PALM2AKAP2: variants seen among roughly 807,000 people sequenced by gnomAD.
PALM2AKAP2 encodes PALM2-AKAP2 fusion protein.
PALM2AKAP2 carries 37 observed loss-of-function variants against 71.5 expected under a neutral mutation model. That is an observed-to-expected ratio of 0.52 (90% CI 0.40 to 0.68). The LOEUF (loss-of-function observed/expected upper bound fraction) is 0.68. PALM2AKAP2 is among the 30% of genes least tolerant of loss of function. PALM2AKAP2 has a pLI of 0.00. For synonymous variants in PALM2AKAP2, 468 were observed against 478.8 expected (o/e 0.98, Z 0.29); for missense variants, 1,224 against 1,191.8 (o/e 1.03, Z -0.40).
chr9:110,091,422 GTC>G (rs1834703857), intron 1 of PALM2AKAP2, among the ~76,000 whole-genome samples: 2 of 125,472 alleles, frequency 1.6e-5, no homozygotes, highest in African/African-American at 6.2e-5. Flanking sequence ...GTGTGTGTGT[GTC>G]TGTGTGATGG....
In PALM2AKAP2 at chr9:110,100,263, C is replaced by T. The variant is rs747127528; in HGVS notation, c.157-35864C>T. Reference sequence around the variant, plus strand: ...GAAAAGGTGAAGGCTGCCTTGCTGCCGTCCTGGAAGATTGAGACAGTGGTA... The same window carrying T: ...GAAAAGGTGAAGGCTGCCTTGCTGCTGTCCTGGAAGATTGAGACAGTGGTA... On this transcript the variant is annotated intron_variant, in intron 1 of 3. Transcript: ENST00000374525. Among the ~76,000 whole-genome samples, 5 of 151,948 alleles carry T rather than the reference C, an allele frequency of 3.3e-5. No homozygotes were observed. In the South Asian group the frequency reaches 6.3e-4, roughly 19 times the overall value.
intron 1 of PALM2AKAP2, among the ~76,000 whole-genome samples, chr9:110,112,193 C>T (rs930450055): frequency 6.6e-6 from 1 of 151,480 alleles, no homozygotes; most frequent in South Asian, 2.1e-4. Flanking sequence ...GATTACCATC[C>T]GAGATACAGC....
chr9:110,023,208 G>A (rs1299487415), intron 7 of PALM2AKAP2, among the ~76,000 whole-genome samples: 2 of 149,662 alleles, frequency 1.3e-5, no homozygotes, highest in Admixed American at 6.7e-5. Flanking sequence ...GTGTAAAAGT[G>A]TTCCTATTTC....
chr9:109,789,706 A>AT (rs1437118715), intron 1 of PALM2AKAP2, among the ~76,000 whole-genome samples: 1 of 152,224 alleles, frequency 6.6e-6, no homozygotes, highest in Non-Finnish European at 1.5e-5. Context: ...AAGGTTGCTC[A>AT]TAAGTGCTCT....
At chr9:110,088,002 C>G (rs1365727605) in intron 1 of PALM2AKAP2, among the ~76,000 whole-genome samples, 1 of 152,114 alleles carries the variant, frequency 6.6e-6, no homozygotes, top group Non-Finnish European at 1.5e-5. Context: ...AAGAGCTGTT[C>G]AAATTGTTAT....
chr9:109,838,886 A>G (rs1409707564), intron 1 of PALM2AKAP2, among the ~76,000 whole-genome samples: 2 of 152,208 alleles, frequency 1.3e-5, no homozygotes, highest in Non-Finnish European at 2.9e-5. Flanking sequence ...AATTAAGGCA[A>G]TAATTAATAG....
At chr9:110,128,921 C>T (rs1835675410) in intron 1 of PALM2AKAP2, among the ~76,000 whole-genome samples, 1 of 152,262 alleles carries the variant, frequency 6.6e-6, no homozygotes, top group African/African-American at 2.4e-5. Flanking sequence ...CCCAGTGGGG[C>T]AGGGATCAGG....
At chr9:109,911,982 G>A (rs955706469) in intron 3 of PALM2AKAP2, among the ~76,000 whole-genome samples, 1 of 152,168 alleles carries the variant, frequency 6.6e-6, no homozygotes, top group Admixed American at 6.5e-5. Context: ...GGGGCTGGGG[G>A]AATTATGGAA....
chr9:109,849,183 A>G (rs1382972137), intron 1 of PALM2AKAP2, among the ~76,000 whole-genome samples: 1 of 152,146 alleles, frequency 6.6e-6, no homozygotes, highest in Non-Finnish European at 1.5e-5. Context: ...CCCAGTATCT[A>G]GTGATTACCT....
chr9:110,039,314 AG>A lies in PALM2AKAP2; in HGVS notation c.582+23276del, dbSNP rs556370244. ...ATCTATCCTCTTAAAGTGTTCATTT[AG>A]TACAGTATTATTAACTGTGAGCACA... On this transcript the variant is annotated intron_variant, in intron 7 of 9. Transcript: ENST00000302798. Among the ~76,000 whole-genome samples the A allele has an allele frequency of 4.6e-5, 7 of 152,374 alleles. No individual in the cohort carries two copies. In the East Asian group the frequency reaches 9.6e-4, roughly 21 times the overall value.
intron 6 of PALM2AKAP2, among the ~76,000 whole-genome samples, chr9:109,986,144 C>G (rs1442412409): frequency 6.6e-6 from 1 of 152,150 alleles, no homozygotes; most frequent in Non-Finnish European, 1.5e-5. Flanking sequence ...CTAATAAAGC[C>G]TTGGTATAGT....
chr9:109,832,608 C>A (rs1339613945), intron 1 of PALM2AKAP2, among the ~76,000 whole-genome samples: 4 of 152,212 alleles, frequency 2.6e-5, no homozygotes, highest in Non-Finnish European at 5.9e-5. Flanking sequence ...AATCTAATTT[C>A]TAATTTCATT....
intron 1 of PALM2AKAP2, among the ~76,000 whole-genome samples, chr9:109,713,251 A>G (rs1002094990): frequency 3.3e-5 from 5 of 152,072 alleles, no homozygotes; most frequent in African/African-American, 1.2e-4. Flanking sequence ...CAGCAAGTCT[A>G]TTTTCCTTTG....
intron 1 of PALM2AKAP2, among the ~76,000 whole-genome samples, chr9:109,789,341 G>T (rs1564149193): frequency 1.3e-5 from 2 of 152,324 alleles, no homozygotes; most frequent in East Asian, 1.9e-4. Flanking sequence ...CGATGTGATT[G>T]CTTCTCACGT....
intron 1 of PALM2AKAP2, among the ~76,000 whole-genome samples, chr9:109,665,852 C>T (rs1171896782): frequency 1.3e-5 from 2 of 152,236 alleles, no homozygotes; most frequent in East Asian, 1.9e-4. Context: ...CCACCCAGTT[C>T]GAGCTTCCCT....
intron 7 of PALM2AKAP2, 43 bp downstream of exon 7, chr9:110,016,082 G>C: frequency 6.3e-7 from 1 of 1,589,990 alleles, no homozygotes; most frequent in Non-Finnish European, 8.6e-7. Flanking sequence ...TGTATCTCTA[G>C]AGTAAAGGCA....
chr9:109,821,002 T>C, intron 1 of PALM2AKAP2, among the ~76,000 whole-genome samples: 1 of 152,226 alleles, frequency 6.6e-6, no homozygotes, highest in East Asian at 1.9e-4. Context: ...CTTCTAGATA[T>C]AACACAGCAT....
intron 1 of PALM2AKAP2, among the ~76,000 whole-genome samples, chr9:110,086,577 C>T (rs900752913): frequency 7.9e-5 from 12 of 152,212 alleles, no homozygotes; most frequent in African/African-American, 2.9e-4. Flanking sequence ...GCATTGGGCT[C>T]ATGACCCCAT....
At chr9:109,851,902 G>A (rs1170700883) in intron 1 of PALM2AKAP2, among the ~76,000 whole-genome samples, 4 of 152,058 alleles carry the variant, frequency 2.6e-5, no homozygotes, top group Admixed American at 2.0e-4. Flanking sequence ...AAGCTGTGTG[G>A]TCTTTGTTCA....
Sources: gnomAD v4.1 joint callset for allele counts (sites outside exome capture counted in the v4.1 genomes callset) on GRCh38, gnomAD v4.1.1 for gene constraint, MANE v1.5 for transcripts, NCBI Gene and HGNC (gene_info 2026-07-23, HGNC 2026-07-21) for gene names.